Variants in BUD13 observed in about 807,000 individuals in gnomAD.
BUD13 encodes the protein BUD13 homolog.
BUD13 carries 47 observed loss-of-function variants against 62.5 expected under a neutral mutation model. The ratio of observed to expected loss-of-function variants is 0.75; its 90% CI spans 0.60 to 0.96. The LOEUF is 0.96. BUD13 is among the 40% of genes least tolerant of loss of function. The pLI is 0.00. For synonymous variants in BUD13, 293 were observed against 280.1 expected, an observed-to-expected ratio of 1.05 and a Z score of -0.46; for missense variants, 821 against 790.9, an observed-to-expected ratio of 1.04 and a Z score of -0.46.
chr11:116,762,100 T>G (rs1163538298), intron 4 of BUD13, among the ~76,000 whole-genome samples: 2 of 152,186 alleles, frequency 1.3e-5, no homozygotes, highest in African/African-American at 4.8e-5. Context: ...TATACTAACA[T>G]AAAGATGTTT....
At chr11:116,765,520 A>G (rs1940517472) in intron 2 of BUD13, 74 bp from the exon 3 acceptor site, 2 of 1,513,204 alleles carry the variant, frequency 1.3e-6, no homozygotes, top group Non-Finnish European at 1.8e-6. Flanking sequence ...AAGAACCTGA[A>G]GTTACAACCA....
chr11:116,759,126 C>T lies in BUD13; in HGVS notation c.1308G>A (p.Gln436=). ...AKTGLVLTDI[Q]REQQELKEQD... ...GTTCCTTGAGCTCCTGCTGTTCTCG[C>T]TGTATGTCAGTTAACACCAACCCAG... is the stretch of plus-strand genomic sequence containing the variant. Residue 436 remains glutamine (Q), a synonymous_variant, in exon 6 of 10, where the codon CAG becomes CAA. Transcript: ENST00000260210. 3 of 1,614,080 alleles carry T rather than the reference C, an allele frequency of 1.9e-6. No individual in the cohort carries two copies. The highest frequency in any genetic ancestry group is 2.5e-6 in the Non-Finnish European group (3 of 1,180,028).
At chr11:116,767,941 T>G (rs149153426) in intron 2 of BUD13, among the ~76,000 whole-genome samples, 1,840 of 150,490 alleles carry the variant, frequency 0.012, 31 homozygotes, top group Non-Finnish European at 0.015. Context: ...CCACTGTATT[T>G]CAGCCTGGGC....
chr11:116,755,992 G>C (rs1940316800), intron 9 of BUD13, among the ~76,000 whole-genome samples: 1 of 152,050 alleles, frequency 6.6e-6, no homozygotes, highest in Non-Finnish European at 1.5e-5. Context: ...ACAATCATAT[G>C]AGCCCAAGAA....
chr11:116,770,125 A>C lies in BUD13; in HGVS notation c.237+4T>G. ...AAAATCCTGACAGCCCCAAAGATACATACCACAGGCAAATCTCCATCATCT... is the reference window on the plus strand; with the variant it reads ...AAAATCCTGACAGCCCCAAAGATACCTACCACAGGCAAATCTCCATCATCT... On this transcript the variant is annotated splice_donor_region_variant and intron_variant, in intron 2 of 9. Transcript: ENST00000260210. 3 of 1,609,956 alleles carry C rather than the reference A, an allele frequency of 1.9e-6. No homozygotes were observed. Among genetic ancestry groups the C allele is most frequent in the Non-Finnish European group, 2.5e-6 (3 of 1,177,976 alleles).
At chr11:116,760,334 C>G (rs1010449380) in intron 5 of BUD13, among the ~76,000 whole-genome samples, 2 of 152,218 alleles carry the variant, frequency 1.3e-5, no homozygotes, top group African/African-American at 4.8e-5. Flanking sequence ...TATTAAGCAT[C>G]TTGCCCAAAT....
Position 116,763,199 on chromosome 11 carries a change from C to A in BUD13, c.390G>T (p.Arg130Ser). 1 of 1,585,772 alleles carries A rather than the reference C, an allele frequency of 6.3e-7. No individual in the cohort carries two copies. The highest frequency in any genetic ancestry group is 1.8e-5 in the Admixed American group (1 of 56,528). ...RHDTPDSSPR[R>S]VRHGTPDPSP... ...ATGGATCTGGGGTACCATGACGGAC[C>A]CTCCTAGGAGATGAATCCGGGGTAT... The change falls in exon 4 of 10, where the codon AGG becomes AGT. Residue 130 changes from arginine (R) to serine (S), a missense_variant. By Grantham distance (110) the Arg-to-Ser change is moderately radical (BLOSUM62 -1). Transcript: ENST00000260210.
intron 2 of BUD13, among the ~76,000 whole-genome samples, chr11:116,768,855 A>C (rs970042853): frequency 2.0e-5 from 3 of 151,818 alleles, no homozygotes; most frequent in Admixed American, 6.6e-5. Flanking sequence ...TACAAAAAAA[A>C]ACACAAAAAA....
intron 9 of BUD13, among the ~76,000 whole-genome samples, chr11:116,751,704 C>T (rs1457766236): frequency 6.6e-6 from 1 of 152,060 alleles, no homozygotes; most frequent in Non-Finnish European, 1.5e-5. Context: ...TATTCCAAAG[C>T]ACCAAGGAAA....
At position 116,762,857 on chromosome 11, in the gene BUD13, G is replaced by C. The variant is rs770238071; in HGVS notation, c.732C>G (p.Val244=). The C allele has an allele frequency of 3.1e-6, 5 of 1,613,556 alleles. No individual in the cohort carries two copies. The African/African-American group carries it at 6.7e-5, about 22-fold the overall frequency. Residue 244 remains valine, a synonymous_variant, in exon 4 of 10, where the codon GTC becomes GTG. Coordinates refer to ENST00000260210, the MANE Select transcript of BUD13 (RefSeq NM_032725.4). ...TAGATGTGTCAGGGGAGTTGTTATG[G>C]ACCCTTCTGGGGGAAGAGATATCTG... ...GSSDISSPRR[V]HNNSPDTSRR... is the part of the protein sequence containing the mutation.
Position 116,748,265 on chromosome 11 carries a change from T to C in BUD13, c.*217A>G. 1 of 489,692 alleles carries C rather than the reference T, an allele frequency of 2.0e-6. No individual in the cohort carries two copies. Among genetic ancestry groups the C allele is most frequent in the Non-Finnish European group, 3.6e-6 (1 of 275,744 alleles). 30.3% of individuals were successfully genotyped at this position (489,692 alleles called of 1,614,324 possible). On this transcript the variant is annotated 3_prime_UTR_variant, in exon 10 of 10. Transcript: ENST00000260210. ...GTCAATGAGAAATCAATGCTTCCTCTGAAAGCCAGCAACAGCCGGTGCTGT... is the reference window on the plus strand; with the variant it reads ...GTCAATGAGAAATCAATGCTTCCTCCGAAAGCCAGCAACAGCCGGTGCTGT...
intron 2 of BUD13, among the ~76,000 whole-genome samples, chr11:116,769,521 A>G (rs6589565): frequency 0.93 from 141,467 of 152,280 alleles, 65,963 homozygotes; most frequent in African/African-American, 0.98. Context: ...TGTTTTTAAG[A>G]AAGATTCCAA....
At chr11:116,763,416 C>T in intron 3 of BUD13, 150 bp from the exon 4 acceptor site, 1 of 597,702 alleles carries the variant, frequency 1.7e-6, no homozygotes, top group East Asian at 2.9e-5. Context: ...TGCTTAGGGG[C>T]AGCAAACCAC....
intron 9 of BUD13, 152 bp downstream of exon 9, chr11:116,756,994 T>C (rs889879177): frequency 1.3e-5 from 9 of 677,044 alleles, no homozygotes; most frequent in African/African-American, 3.6e-5. Flanking sequence ...GCATGAGAAA[T>C]AGGATTTGTG....
At chr11:116,755,165 A>G (rs1019033035) in intron 9 of BUD13, among the ~76,000 whole-genome samples, 3 of 152,262 alleles carry the variant, frequency 2.0e-5, no homozygotes, top group African/African-American at 7.2e-5. Flanking sequence ...CTCAGCAGAG[A>G]AATTAAGCTA....
At chr11:116,772,565 G>A (rs1019296510) in intron 1 of BUD13, among the ~76,000 whole-genome samples, 2 of 152,188 alleles carry the variant, frequency 1.3e-5, no homozygotes, top group African/African-American at 4.8e-5. Flanking sequence ...GTCTACCAAG[G>A]CGGGAAAAGA....
intron 3 of BUD13, 41 bp downstream of exon 3, chr11:116,765,321 C>A (rs754805653): frequency 1.3e-6 from 2 of 1,592,158 alleles, no homozygotes; most frequent in African/African-American, 2.7e-5. Flanking sequence ...AAGATCTCCC[C>A]TACTAATGGA....
chr11:116,759,370 T>A (rs1940390935), intron 5 of BUD13, among the ~76,000 whole-genome samples, 191 bp from the exon 6 acceptor site: 1 of 152,148 alleles, frequency 6.6e-6, no homozygotes, highest in South Asian at 2.1e-4. Context: ...ACCATCAAGT[T>A]TAAGAATAAG....
At chr11:116,766,764 G>T (rs948621782) in intron 2 of BUD13, among the ~76,000 whole-genome samples, 1 of 152,194 alleles carries the variant, frequency 6.6e-6, no homozygotes, top group Non-Finnish European at 1.5e-5. Context: ...TATTACTGGT[G>T]GTGGTGGTGA....
Sources: gnomAD v4.1 joint callset for allele counts (sites outside exome capture counted in the v4.1 genomes callset) on GRCh38, gnomAD v4.1.1 for gene constraint, MANE v1.5 for transcripts, NCBI Gene and HGNC (gene_info 2026-07-23, HGNC 2026-07-21) for gene names.